Variants in DRC8 observed in about 807,000 individuals in gnomAD.
DRC8 encodes the protein dynein regulatory complex subunit 8.
chr1:244,981,442 G>A, the DRC8 span, among the ~76,000 whole-genome samples: 1 of 152,178 alleles, frequency 6.6e-6, no homozygotes, highest in African/African-American at 2.4e-5. Context: ...TTACTCTGAA[G>A]TAGGCACTGG....
chr1:244,972,418 T>C, the DRC8 span, among the ~76,000 whole-genome samples: 9 of 152,302 alleles, frequency 5.9e-5, no homozygotes, highest in African/African-American at 2.2e-4. Context: ...GTGCTAGGTG[T>C]GTATCCTTGT....
At chr1:244,997,400 A>G in the DRC8 span, among the ~76,000 whole-genome samples, 2 of 152,166 alleles carry the variant, frequency 1.3e-5, no homozygotes, top group African/African-American at 2.4e-5. Flanking sequence ...CTTGAATGAA[A>G]GCTGTTCATT....
chr1:244,995,584 AT>A, the DRC8 span, among the ~76,000 whole-genome samples: 3 of 151,982 alleles, frequency 2.0e-5, no homozygotes, highest in African/African-American at 7.3e-5. Flanking sequence ...GCCTTAAGTG[AT>A]TGTGATCCTA....
the DRC8 span, among the ~76,000 whole-genome samples, chr1:245,035,256 G>A: frequency 6.6e-6 from 1 of 151,370 alleles, no homozygotes; most frequent in East Asian, 1.9e-4. Context: ...ACCTAGAATA[G>A]CCAAAACAAT....
At chr1:245,034,296 T>C in the DRC8 span, among the ~76,000 whole-genome samples, 1 of 151,988 alleles carries the variant, frequency 6.6e-6, no homozygotes, top group Admixed American at 6.6e-5. Flanking sequence ...TAATGGAAAC[T>C]AGATTTGAAA....
chr1:245,026,793 C>T, the DRC8 span, among the ~76,000 whole-genome samples: 1 of 152,048 alleles, frequency 6.6e-6, no homozygotes, highest in African/African-American at 2.4e-5. Flanking sequence ...AACATAGTAC[C>T]ATATATATAC....
the DRC8 span, among the ~76,000 whole-genome samples, chr1:245,020,768 C>T: frequency 4.0e-5 from 6 of 151,174 alleles, no homozygotes; most frequent in East Asian, 1.9e-4. Context: ...TACAGGTGCC[C>T]GCCACCACGC....
the DRC8 span, among the ~76,000 whole-genome samples, chr1:244,979,037 C>G: frequency 1.3e-5 from 2 of 152,066 alleles, no homozygotes; most frequent in Non-Finnish European, 2.9e-5. Context: ...GGGAGAGTCA[C>G]CTGATTCACA....
chr1:244,970,267 T>TCCCCG, the DRC8 span: 55 of 709,616 alleles, frequency 7.8e-5, no homozygotes, highest in East Asian at 5.0e-4. Flanking sequence ...CGGAGCCTCC[T>TCCCCG]CCCCGCCCCG....
At chr1:245,024,222 G>A in the DRC8 span, among the ~76,000 whole-genome samples, 1 of 151,890 alleles carries the variant, frequency 6.6e-6, no homozygotes, top group African/African-American at 2.4e-5. Context: ...ATAATATATT[G>A]AATTAATCTC....
the DRC8 span, among the ~76,000 whole-genome samples, chr1:244,991,060 A>G: frequency 1.3e-5 from 2 of 152,180 alleles, no homozygotes; most frequent in Admixed American, 1.3e-4. Flanking sequence ...ACTGCTGATT[A>G]AAGGTAGTGG....
At chr1:245,084,070 C>CCCG in the DRC8 span, among the ~76,000 whole-genome samples, 2 of 119,092 alleles carry the variant, frequency 1.7e-5, 1 homozygote, top group Non-Finnish European at 3.7e-5. Flanking sequence ...CCGCCCCCCC[C>CCCG]CCGGCGCCCC....
chr1:244,976,165 A>G, the DRC8 span, among the ~76,000 whole-genome samples: 1 of 152,100 alleles, frequency 6.6e-6, no homozygotes, highest in Non-Finnish European at 1.5e-5. Flanking sequence ...GCTACTCTAG[A>G]GGTTGAGGCA....
At chr1:245,013,324 C>G in the DRC8 span, among the ~76,000 whole-genome samples, 1 of 152,096 alleles carries the variant, frequency 6.6e-6, no homozygotes, top group Non-Finnish European at 1.5e-5. Context: ...ATGTGACTAC[C>G]TAAAAATAAA....
chr1:245,068,753 C>G, the DRC8 span, among the ~76,000 whole-genome samples: 3 of 151,954 alleles, frequency 2.0e-5, no homozygotes, highest in Admixed American at 2.0e-4. Flanking sequence ...CCTGGCAGAA[C>G]TATAATCTTA....
the DRC8 span, chr1:245,015,820 T>C: frequency 5.4e-6 from 1 of 185,056 alleles, no homozygotes; most frequent in South Asian, 8.3e-5. Context: ...TGCAGAGGCC[T>C]CCTGACTGGT....
At chr1:244,998,422 C>T in the DRC8 span, among the ~76,000 whole-genome samples, 9 of 151,986 alleles carry the variant, frequency 5.9e-5, no homozygotes, top group Non-Finnish European at 1.0e-4. Flanking sequence ...CTATGTTGCC[C>T]GGGCTGGTCT....
At chr1:245,066,855 C>T in the DRC8 span, among the ~76,000 whole-genome samples, 4 of 151,590 alleles carry the variant, frequency 2.6e-5, no homozygotes, top group African/African-American at 9.7e-5. Flanking sequence ...TGCAGTGAGC[C>T]GAGATTGCGC....
chr1:245,113,659 C>T, the DRC8 span, among the ~76,000 whole-genome samples: 4 of 152,002 alleles, frequency 2.6e-5, no homozygotes, highest in Admixed American at 6.6e-5. Flanking sequence ...AGAACAGGAA[C>T]GAATGCTGGA....
Sources: gnomAD v4.1 joint callset for allele counts (sites outside exome capture counted in the v4.1 genomes callset) on GRCh38, gnomAD v4.1.1 for gene constraint, MANE v1.5 for transcripts, NCBI Gene and HGNC (gene_info 2026-07-23, HGNC 2026-07-21) for gene names.